AGBL1: variants seen among roughly 807,000 people sequenced by gnomAD.
AGBL1 encodes the protein cytosolic carboxypeptidase 4.
AGBL1 carries 130 observed loss-of-function variants against 118.9 expected under a neutral mutation model. That is an observed-to-expected ratio of 1.09 (90% CI 0.95 to 1.26). The LOEUF (loss-of-function observed/expected upper bound fraction) is 1.26, where lower values mean the gene tolerates loss of function less well. AGBL1 is among the 50% of genes most tolerant of loss of function. The pLI is 0.00. For synonymous variants in AGBL1, 555 were observed against 478.9 expected (o/e 1.16, Z -2.08); for missense variants, 1,584 against 1,298.1 (o/e 1.22, Z -3.38).
At chr15:86,560,353 T>C (rs986625937) in intron 21 of AGBL1, among the ~76,000 whole-genome samples, 1 of 144,786 alleles carries the variant, frequency 6.9e-6, no homozygotes, top group Admixed American at 6.9e-5. Flanking sequence ...AGTGTTCTCA[T>C]TGTTCAATTC....
intron 18 of AGBL1, among the ~76,000 whole-genome samples, chr15:86,414,146 T>C (rs2081658066): frequency 6.6e-6 from 1 of 152,058 alleles, no homozygotes; most frequent in Non-Finnish European, 1.5e-5. Flanking sequence ...ACATAGAGTA[T>C]GGAATGAAAG....
At chr15:86,535,926 C>G (rs2083420055) in intron 19 of AGBL1, among the ~76,000 whole-genome samples, 2 of 152,132 alleles carry the variant, frequency 1.3e-5, no homozygotes, top group Admixed American at 1.3e-4. Flanking sequence ...ATTTTCATAA[C>G]TCGTGTTAAG....
chr15:86,835,170 T>G (rs2141424130), intron 22 of AGBL1, among the ~76,000 whole-genome samples: 1 of 152,262 alleles, frequency 6.6e-6, no homozygotes, highest in South Asian at 2.1e-4. Context: ...GTATACTATT[T>G]GATCCCCATT....
intron 24 of AGBL1, among the ~76,000 whole-genome samples, chr15:87,015,515 T>C (rs2141790717): frequency 6.6e-6 from 1 of 152,278 alleles, no homozygotes; most frequent in East Asian, 1.9e-4. Flanking sequence ...TTCCAAGCTA[T>C]GTGATTCATT....
chr15:86,182,447 C>A (rs901225505), intron 5 of AGBL1, among the ~76,000 whole-genome samples: 24 of 152,204 alleles, frequency 1.6e-4, no homozygotes, highest in African/African-American at 5.3e-4. Flanking sequence ...TTCTCTCTCT[C>A]TCTATATTCA....
intron 22 of AGBL1, among the ~76,000 whole-genome samples, chr15:86,684,984 C>A (rs894590518): frequency 6.6e-6 from 1 of 152,054 alleles, no homozygotes; most frequent in East Asian, 1.9e-4. Flanking sequence ...GAAACAGAAG[C>A]CTTACTAGTG....
chr15:86,130,169 C>T lies in AGBL1; in HGVS notation c.52-11835C>T, dbSNP rs148909875. 7.2e-5 allele frequency among the ~76,000 whole-genome samples: 11 copies of T among 152,168 alleles called. 1 individual carries two copies. The highest frequency in any genetic ancestry group is 3.9e-4 in the Admixed American group (6 of 15,280). On this transcript the variant is annotated intron_variant, in intron 1 of 22. Transcript: ENST00000614907. ...ATGAGGGACACCTTTAGAAGAGCTT[C>T]GTGCCCTACCTGAGTTTTCTGAGGG... is the stretch of plus-strand genomic sequence containing the variant.
rs150875426 is a variant in AGBL1 at position 86,095,386 on chromosome 15, A to T, written c.51+15363A>T. ...CAACTATGTCTTAGTCTTTCTGGCA[A>T]CCAGAGTCCATCCTGAATCTGTCTA... is the stretch of plus-strand genomic sequence containing the variant. On this transcript the variant is annotated intron_variant, in intron 1 of 22. Coordinates refer to ENST00000614907, the MANE Select transcript of AGBL1 (RefSeq NM_001386094.1). Among the ~76,000 whole-genome samples the T allele has an allele frequency of 2.2e-3, 338 of 152,196 alleles. 15 individuals are homozygous for T. The South Asian group carries it at 0.066, about 30-fold the overall frequency.
chr15:86,724,476 A>C (rs11073659), intron 22 of AGBL1, among the ~76,000 whole-genome samples: 1 of 151,810 alleles, frequency 6.6e-6, no homozygotes, highest in Non-Finnish European at 1.5e-5. Flanking sequence ...AGCATCATGG[A>C]TGAATAGCAA....
intron 1 of AGBL1, among the ~76,000 whole-genome samples, chr15:86,102,692 T>G (rs1270903135): frequency 6.6e-6 from 1 of 152,212 alleles, no homozygotes; most frequent in Non-Finnish European, 1.5e-5. Context: ...ACTAGACACT[T>G]TTCTCTTGAG....
chr15:86,711,978 T>A (rs184505488), intron 22 of AGBL1, among the ~76,000 whole-genome samples: 1 of 152,294 alleles, frequency 6.6e-6, no homozygotes, highest in African/African-American at 2.4e-5. Context: ...GTGGGTCTTA[T>A]TTCTGCTGTC....
intron 17 of AGBL1, among the ~76,000 whole-genome samples, chr15:86,345,953 C>A (rs1264195570): frequency 6.6e-6 from 1 of 151,620 alleles, no homozygotes; most frequent in African/African-American, 2.4e-5. Context: ...CATCAATTCT[C>A]TCTTTTCTTT....
chr15:86,430,308 A>C (rs953076115), intron 18 of AGBL1, among the ~76,000 whole-genome samples: 1 of 152,026 alleles, frequency 6.6e-6, no homozygotes, highest in Non-Finnish European at 1.5e-5. Context: ...CATCCTGGCT[A>C]ACACGGTGAA....
chr15:86,480,849 A>C (rs115433710), intron 18 of AGBL1, among the ~76,000 whole-genome samples: 1,849 of 152,116 alleles, frequency 0.012, 44 homozygotes, highest in African/African-American at 0.043. Context: ...AAAGGCTAAG[A>C]ATATTTAGGC....
At chr15:86,810,274 T>G (rs1357521875) in intron 22 of AGBL1, among the ~76,000 whole-genome samples, 1 of 152,110 alleles carries the variant, frequency 6.6e-6, no homozygotes, top group Admixed American at 6.6e-5. Context: ...AGCTATTCCT[T>G]TTGAGTGAGT....
At chr15:86,314,425 G>T (rs2079967335) in intron 17 of AGBL1, among the ~76,000 whole-genome samples, 1 of 152,162 alleles carries the variant, frequency 6.6e-6, no homozygotes. Flanking sequence ...AGGGCATGGT[G>T]TCCCCATGGC....
chr15:86,904,821 G>GT (rs59595883), intron 22 of AGBL1, among the ~76,000 whole-genome samples: 26,893 of 151,550 alleles, frequency 0.18, 3,461 homozygotes, highest in African/African-American at 0.36. Context: ...TTCAAATATG[G>GT]TTTTTTCTAT....
In AGBL1 at chr15:86,750,681, T is replaced by C. The variant is rs897812889; in HGVS notation, c.3158+76245T>C. 5.9e-5 allele frequency among the ~76,000 whole-genome samples: 9 copies of C among 152,214 alleles called. No homozygotes were observed. The South Asian group carries it at 1.2e-3, about 21-fold the overall frequency. On this transcript the variant is annotated intron_variant, in intron 22 of 22. Transcript: ENST00000614907. ...AAACTTCAGGGGTACAAGTGCAGGT[T>C]TGTTGTGTAGGTAATTGTGTCATGG...
intron 18 of AGBL1, among the ~76,000 whole-genome samples, chr15:86,501,900 A>G (rs11630511): frequency 0.43 from 64,106 of 150,818 alleles, 14,859 homozygotes; most frequent in East Asian, 0.68. Context: ...TTCTTTTTCA[A>G]TACTGCTTTG....
Sources: allele counts gnomAD v4.1 joint callset (sites outside exome capture counted in the v4.1 genomes callset), GRCh38; gene constraint gnomAD v4.1.1; transcripts MANE v1.5; gene names NCBI Gene and HGNC (gene_info 2026-07-23, HGNC 2026-07-21).